Variants in AJAP1 observed in about 807,000 individuals in gnomAD.
AJAP1 encodes adherens junctions associated protein 1.
In AJAP1, 5 loss-of-function variants were observed where a neutral mutation model predicts 35.0. That is an observed-to-expected ratio of 0.14 (90% CI 0.07 to 0.30). The LOEUF (loss-of-function observed/expected upper bound fraction) is 0.30. AJAP1 is among the 10% of genes least tolerant of loss of function. AJAP1 has a pLI of 1.00. For synonymous variants in AJAP1, 284 were observed against 249.3 expected, an observed-to-expected ratio of 1.14 and a Z score of -1.31; for missense variants, 586 against 571.0, an observed-to-expected ratio of 1.03 and a Z score of -0.27.
At chr1:4,687,733 C>T (rs1639640654) in intron 1 of AJAP1, among the ~76,000 whole-genome samples, 1 of 152,208 alleles carries the variant, frequency 6.6e-6, no homozygotes, top group Non-Finnish European at 1.5e-5. Flanking sequence ...CTAAGGGAGT[C>T]AGCCCAGGCA....
At chr1:4,772,908 A>G (rs528126414) in intron 4 of AJAP1, among the ~76,000 whole-genome samples, 19 of 152,318 alleles carry the variant, frequency 1.2e-4, no homozygotes, top group African/African-American at 4.6e-4. Flanking sequence ...GACCGGAGTC[A>G]GCGTCTCTGA....
intron 1 of AJAP1, among the ~76,000 whole-genome samples, chr1:4,684,496 G>A (rs1449584728): frequency 1.3e-5 from 2 of 152,180 alleles, no homozygotes; most frequent in Non-Finnish European, 2.9e-5. Flanking sequence ...CCACCTGGGG[G>A]AGGGGAAGGG....
intron 1 of AJAP1, among the ~76,000 whole-genome samples, chr1:4,670,448 T>A (rs1351250500): frequency 2.0e-5 from 3 of 152,170 alleles, no homozygotes; most frequent in African/African-American, 7.2e-5. Flanking sequence ...CAAGTCGACA[T>A]TGATCCTTTT....
chr1:4,731,354 T>TA (rs1283000407), intron 2 of AJAP1, among the ~76,000 whole-genome samples: 1 of 152,222 alleles, frequency 6.6e-6, no homozygotes, highest in African/African-American at 2.4e-5. Flanking sequence ...GTGCTAGGAT[T>TA]ACAGGCGTGA....
intron 2 of AJAP1, among the ~76,000 whole-genome samples, chr1:4,733,671 C>T (rs567339973): frequency 1.3e-5 from 2 of 151,940 alleles, no homozygotes; most frequent in East Asian, 1.9e-4. Flanking sequence ...CCCAGCGGGC[C>T]GGCCTTGGGA....
intron 2 of AJAP1, among the ~76,000 whole-genome samples, chr1:4,721,984 C>A (rs914447000): frequency 2.6e-5 from 4 of 152,172 alleles, no homozygotes; most frequent in African/African-American, 9.7e-5. Context: ...ATATATACAG[C>A]ATTTTATCTG....
At chr1:4,735,260 C>A (rs571442868) in intron 2 of AJAP1, among the ~76,000 whole-genome samples, 1 of 152,204 alleles carries the variant, frequency 6.6e-6, no homozygotes, top group African/African-American at 2.4e-5. Flanking sequence ...CTGGTCACAG[C>A]AGGTCTTTTC....
chr1:4,711,891 C>T lies in AJAP1; in HGVS notation c.30-9C>T, dbSNP rs201311316. The T allele has an allele frequency of 1.4e-3, 2,105 of 1,473,996 alleles. 3 individuals are homozygous for T. The highest frequency in any genetic ancestry group is 2.9e-3 in the East Asian group (111 of 37,636). The allele number at this position is 1,473,996 out of a possible 1,614,324, so 91.3% of individuals were successfully genotyped here. On this transcript the variant is annotated splice_polypyrimidine_tract_variant and intron_variant, in intron 1 of 5. Coordinates refer to ENST00000378191, the MANE Select transcript of AJAP1 (RefSeq NM_018836.4). ...CTGACCGCTCTTCTCTCCTTTCCCC[C>T]CCGCACAGCTCCATGTCCATCCGCT...
In AJAP1 at chr1:4,772,001, G is replaced by C. The variant is rs1164154837; in HGVS notation, c.918-279G>C. ...TGACTGATGCTCTTTAGTTAAGCAGGTCCCTAGCTCTGCGATCACACAGCT... is the reference window on the plus strand; with the variant it reads ...TGACTGATGCTCTTTAGTTAAGCAGCTCCCTAGCTCTGCGATCACACAGCT... On this transcript the variant is annotated intron_variant, in intron 3 of 5. Transcript: ENST00000378191. Among the ~76,000 whole-genome samples the C allele has an allele frequency of 4.6e-5, 7 of 152,080 alleles. No individual in the cohort carries two copies. In the East Asian group the frequency reaches 5.8e-4, roughly 13 times the overall value.
intron 1 of AJAP1, among the ~76,000 whole-genome samples, chr1:4,671,865 C>T (rs1247245795): frequency 2.0e-5 from 3 of 152,274 alleles, no homozygotes; most frequent in South Asian, 2.1e-4. Context: ...CTTTTATTGT[C>T]GTGGTTTAGC....
intron 1 of AJAP1, among the ~76,000 whole-genome samples, chr1:4,686,850 C>T (rs1017560560): frequency 3.3e-5 from 5 of 152,202 alleles, no homozygotes; most frequent in Admixed American, 1.3e-4. Flanking sequence ...GTGTGGCCTC[C>T]GTTCTCTGAT....
Position 4,712,709 on chromosome 1 carries a change from T to C in AJAP1, c.829+10T>C, listed in dbSNP as rs750849683. The C allele has an allele frequency of 1.3e-6, 2 of 1,504,812 alleles. No individual in the cohort carries two copies. The highest frequency in any genetic ancestry group is 2.3e-5 in the East Asian group (1 of 42,800). 93.2% of individuals were successfully genotyped at this position (1,504,812 alleles called of 1,614,324 possible). On this transcript the variant is annotated intron_variant, in intron 2 of 5. Coordinates refer to ENST00000378191, the MANE Select transcript of AJAP1 (RefSeq NM_018836.4). ...CTGGGGGAGGCCTCAGGTACAGCCA[T>C]CTCTCTTCTGGTTTGGGTTTGCTTG...
chr1:4,698,666 A>C (rs908891372), intron 1 of AJAP1, among the ~76,000 whole-genome samples: 8 of 152,132 alleles, frequency 5.3e-5, no homozygotes, highest in Non-Finnish European at 1.2e-4. Context: ...TGACCGTCAC[A>C]CATGTGGGTG....
At chr1:4,725,925 C>G (rs1557627454) in intron 2 of AJAP1, among the ~76,000 whole-genome samples, 2 of 152,244 alleles carry the variant, frequency 1.3e-5, no homozygotes, top group African/African-American at 2.4e-5. Context: ...TTTAAAGGCT[C>G]TATCTCCAAA....
intron 2 of AJAP1, among the ~76,000 whole-genome samples, chr1:4,736,659 C>G (rs952900418): frequency 2.0e-5 from 3 of 152,230 alleles, no homozygotes; most frequent in Non-Finnish European, 4.4e-5. Flanking sequence ...TTTTTATCCT[C>G]TGTATAGCAC....
At chr1:4,711,308 T>A (rs1486659764) in intron 1 of AJAP1, 1 of 152,008 alleles carries the variant, frequency 6.6e-6, no homozygotes, top group Non-Finnish European at 1.5e-5. Context: ...CTGGCAGGTG[T>A]AGGTGCTGGG....
intron 1 of AJAP1, among the ~76,000 whole-genome samples, chr1:4,682,963 C>G (rs2859392): frequency 0.6 from 90,761 of 151,858 alleles, 27,354 homozygotes; most frequent in Middle Eastern, 0.7. Flanking sequence ...AAGGAGTAAG[C>G]CTGCACCATT....
At chr1:4,764,869 C>T (rs144051489) in intron 2 of AJAP1, among the ~76,000 whole-genome samples, 2 of 152,242 alleles carry the variant, frequency 1.3e-5, no homozygotes, top group African/African-American at 4.8e-5. Flanking sequence ...GTATTTGATT[C>T]AGCTTCATTT....
At chr1:4,777,467 T>C (rs1641962780) in intron 5 of AJAP1, 1 of 152,202 alleles carries the variant, frequency 6.6e-6, no homozygotes, top group African/African-American at 2.4e-5. Context: ...TTGTGATAGA[T>C]TCCAACACGT....
Sources: gnomAD v4.1 joint callset for allele counts (sites outside exome capture counted in the v4.1 genomes callset) on GRCh38, gnomAD v4.1.1 for gene constraint, MANE v1.5 for transcripts, NCBI Gene and HGNC (gene_info 2026-07-23, HGNC 2026-07-21) for gene names.